ABL1: variants seen among roughly 807,000 people sequenced by gnomAD.
ABL1 encodes tyrosine-protein kinase ABL1.
ABL1 carries 11 observed loss-of-function variants against 94.7 expected under a neutral mutation model. That is an observed-to-expected ratio of 0.12 (90% CI 0.07 to 0.19). ABL1 has a LOEUF of 0.19. Among genes scored for constraint, ABL1 ranks in the 10% least tolerant of loss-of-function variants. The pLI, the probability that ABL1 is intolerant of heterozygous loss-of-function variation, is 1.00. For missense variants in ABL1, 1,082 were observed against 1,489.4 expected (o/e 0.73, Z 4.50); for synonymous variants, 656 against 622.4 (o/e 1.05, Z -0.80).
At chr9:130,847,654 C>T (rs948630368) in intron 1 of ABL1, among the ~76,000 whole-genome samples, 26 of 152,154 alleles carry the variant, frequency 1.7e-4, no homozygotes, top group African/African-American at 5.6e-4. Flanking sequence ...TTCAGTGTCT[C>T]GGTCCAGAGG....
At position 130,862,566 on chromosome 9, in the gene ABL1, T is replaced by C. The variant is rs983296129; in HGVS notation, c.550-197T>C. Among the ~76,000 whole-genome samples, 7 of 152,196 alleles carry C rather than the reference T, an allele frequency of 4.6e-5. No individual in the cohort carries two copies. The highest frequency in any genetic ancestry group is 1.9e-4 in the East Asian group (1 of 5,172). ...GCCCTGAGGCCTTTTATTGTGTCTTTTTGCTTGAGCGAGTAACTTAGAGCA... is the reference window on the plus strand; with the variant it reads ...GCCCTGAGGCCTTTTATTGTGTCTTCTTGCTTGAGCGAGTAACTTAGAGCA... On this transcript the variant is annotated intron_variant, in intron 3 of 10. Transcript: ENST00000318560. The surrounding 1 kb of genome is among the most constrained non-coding windows in gnomAD (Gnocchi z 5.5).
intron 8 of ABL1, among the ~76,000 whole-genome samples, chr9:130,879,619 G>C (rs184523911): frequency 6.6e-6 from 1 of 152,200 alleles, no homozygotes; most frequent in Admixed American, 6.5e-5. Context: ...CCAGTCAGAC[G>C]CATATGGGAG....
At chr9:130,878,296 C>T in intron 7 of ABL1, 119 bp from the exon 8 acceptor site, 1 of 1,209,794 alleles carries the variant, frequency 8.3e-7, no homozygotes, top group Non-Finnish European at 1.2e-6. Flanking sequence ...AATGTCAGAG[C>T]CTGGGCTGCT....
At chr9:130,713,460 T>A (rs1045819167) in exon 1 of ABL1, among the ~76,000 whole-genome samples, 7 of 148,316 alleles carry the variant, frequency 4.7e-5, no homozygotes, top group Non-Finnish European at 1.0e-4. Flanking sequence ...AAGCTGCCCG[T>A]GCCGCGCCCC....
Position 130,885,035 on chromosome 9 carries a change from G to A in ABL1, c.2745G>A (p.Ser915=), listed in dbSNP as rs753006223. 10 of 1,611,026 alleles carry A rather than the reference G, an allele frequency of 6.2e-6. No individual in the cohort carries two copies. Among genetic ancestry groups the A allele is most frequent in the East Asian group, 2.2e-5 (1 of 44,854 alleles). The change falls in exon 11 of 11, where the codon TCG becomes TCA. Residue 915 remains serine (S), a synonymous_variant. Coordinates refer to ENST00000318560, the MANE Select transcript of ABL1 (RefSeq NM_005157.6). Reference sequence around the variant, plus strand: ...CAGGGAAGGCTGGAGGAAAGCCCTCGCAGAGCCCGAGCCAGGAGGCGGCCG... The same window carrying A: ...CAGGGAAGGCTGGAGGAAAGCCCTCACAGAGCCCGAGCCAGGAGGCGGCCG... ...ASAGKAGGKP[S]QSPSQEAAGE...
intron 1 of ABL1, among the ~76,000 whole-genome samples, chr9:130,757,178 C>T (rs1832050831): frequency 6.6e-6 from 1 of 152,174 alleles, no homozygotes; most frequent in Non-Finnish European, 1.5e-5. Flanking sequence ...GCTCTAAGAT[C>T]AGCAGCATCA....
chr9:130,849,832 A>C (rs949905970), intron 1 of ABL1, among the ~76,000 whole-genome samples: 1 of 151,992 alleles, frequency 6.6e-6, no homozygotes, highest in Admixed American at 6.6e-5. Context: ...TGATAATGTA[A>C]ATTTTTTGTG....
intron 1 of ABL1, among the ~76,000 whole-genome samples, chr9:130,744,778 A>G (rs1290529570): frequency 6.8e-6 from 1 of 148,006 alleles, no homozygotes; most frequent in African/African-American, 2.5e-5. Flanking sequence ...AATGGCGTGA[A>G]CCCAGGAGGC....
chr9:130,875,857 C>T (rs535068511), intron 7 of ABL1, among the ~76,000 whole-genome samples: 26 of 152,134 alleles, frequency 1.7e-4, no homozygotes, highest in African/African-American at 6.0e-4. Flanking sequence ...GACGGAGTTT[C>T]GCTCTTGTTG....
Position 130,854,051 on chromosome 9 carries a change from C to G in ABL1, c.80-13C>G, listed in dbSNP as rs761571282. 1 of 1,588,278 alleles carries G rather than the reference C, an allele frequency of 6.3e-7. No homozygotes were observed. Among genetic ancestry groups the G allele is most frequent in the Admixed American group, 1.8e-5 (1 of 54,182 alleles). On this transcript the variant is annotated splice_polypyrimidine_tract_variant and intron_variant, in intron 1 of 10. Transcript: ENST00000318560. The stretch of plus-strand genomic sequence containing the variant: ...TCCTTTTTCTTTTTTCTGTTCCCCC[C>G]TTTCTCTTCCAGAAGCCCTTCAGCG...
At chr9:130,783,922 C>T (rs191949196) in intron 1 of ABL1, among the ~76,000 whole-genome samples, 1 of 152,248 alleles carries the variant, frequency 6.6e-6, no homozygotes, top group Non-Finnish European at 1.5e-5. Flanking sequence ...TCCCAAAGTG[C>T]TGGGATTGCA....
intron 10 of ABL1, among the ~76,000 whole-genome samples, chr9:130,883,516 C>T (rs1165665894): frequency 1.3e-5 from 2 of 150,866 alleles, no homozygotes; most frequent in South Asian, 2.1e-4. Context: ...AAAAACCACA[C>T]ACACGCTTTG....
At chr9:130,807,332 T>C (rs980265809) in intron 1 of ABL1, among the ~76,000 whole-genome samples, 3 of 151,186 alleles carry the variant, frequency 2.0e-5, no homozygotes, top group African/African-American at 7.3e-5. Context: ...CACTGCAGCC[T>C]CCACCTCCTG....
At chr9:130,768,650 C>A (rs1318938575) in intron 1 of ABL1, among the ~76,000 whole-genome samples, 1 of 152,202 alleles carries the variant, frequency 6.6e-6, no homozygotes, top group Non-Finnish European at 1.5e-5. Flanking sequence ...CTGTCGTGTT[C>A]CTGGCACAGA....
In ABL1 at chr9:130,854,796, C is replaced by G. The variant is rs757304525; in HGVS notation, c.254-5C>G. 5.6e-6 allele frequency: 9 copies of G among 1,610,510 alleles called. No individual in the cohort carries two copies. Among genetic ancestry groups the G allele is most frequent in the Non-Finnish European group, 7.6e-6 (9 of 1,177,318 alleles). On this transcript the variant is annotated splice_region_variant and splice_polypyrimidine_tract_variant and intron_variant, in intron 2 of 10. Coordinates refer to ENST00000318560, the MANE Select transcript of ABL1 (RefSeq NM_005157.6). Reference sequence around the variant, plus strand: ...ATATGTCTGATTTGGTTCCTTTCTTCTCAGGTGAAAAGCTCCGGGTCTTAG... The same window carrying G: ...ATATGTCTGATTTGGTTCCTTTCTTGTCAGGTGAAAAGCTCCGGGTCTTAG...
At chr9:130,828,061 A>T (rs983126520) in intron 1 of ABL1, among the ~76,000 whole-genome samples, 2 of 151,826 alleles carry the variant, frequency 1.3e-5, no homozygotes, top group Non-Finnish European at 2.9e-5. Context: ...CAGAATAAGA[A>T]TAAAAATGAA....
intron 1 of ABL1, among the ~76,000 whole-genome samples, chr9:130,735,591 C>T (rs778170411): frequency 4.9e-4 from 74 of 150,836 alleles, no homozygotes; most frequent in Non-Finnish European, 8.6e-4. Context: ...TTTTGTTTTT[C>T]CCTTAATAGA....
Position 130,862,726 on chromosome 9 carries a change from T to A in ABL1, c.550-37T>A. 6.3e-7 allele frequency: 1 copy of A among 1,598,478 alleles called. No individual in the cohort carries two copies. The highest frequency in any genetic ancestry group is 8.5e-7 in the Non-Finnish European group (1 of 1,172,644). ...CACGTGAGCTCTTTGAGCTTGCCTGTCTCTGTGGGCTGAAGGCTGTTCCCT... is the reference window on the plus strand; with the variant it reads ...CACGTGAGCTCTTTGAGCTTGCCTGACTCTGTGGGCTGAAGGCTGTTCCCT... On this transcript the variant is annotated intron_variant, in intron 3 of 10. Transcript: ENST00000318560. The surrounding 1 kb of genome is among the most constrained non-coding windows in gnomAD (Gnocchi z 5.5).
chr9:130,780,866 C>T (rs1402463443), intron 1 of ABL1, among the ~76,000 whole-genome samples: 1 of 152,194 alleles, frequency 6.6e-6, no homozygotes, highest in African/African-American at 2.4e-5. Context: ...TTAAGACAGT[C>T]AAATTGTTTT....
Sources: gnomAD v4.1 joint callset for allele counts (sites outside exome capture counted in the v4.1 genomes callset) on GRCh38, gnomAD v4.1.1 for gene constraint, Gnocchi (gnomAD v3.1) non-coding constraint, MANE v1.5 for transcripts, NCBI Gene and HGNC (gene_info 2026-07-23, HGNC 2026-07-21) for gene names.